Variants in SHMT1 observed in about 807,000 individuals in gnomAD.
The protein encoded by SHMT1 is serine hydroxymethyltransferase 1, also known as serine hydroxymethyltransferase, cytosolic.
In SHMT1, 45 loss-of-function variants were observed where a neutral mutation model predicts 49.0. The observed-to-expected ratio is 0.92, with a 90% CI of 0.72 to 1.18. The LOEUF is 1.18. Among genes scored for constraint, SHMT1 ranks in the 50% most tolerant of loss-of-function variants. The pLI is 0.00. For missense variants in SHMT1, 541 were observed against 612.4 expected, an observed-to-expected ratio of 0.88 and a Z score of 1.23; for synonymous variants, 232 against 246.6, an observed-to-expected ratio of 0.94 and a Z score of 0.55.
intron 3 of SHMT1, among the ~76,000 whole-genome samples, chr17:18,352,577 C>G (rs1355454714): frequency 6.6e-6 from 1 of 151,998 alleles, no homozygotes; most frequent in Non-Finnish European, 1.5e-5. Flanking sequence ...CCTAAGCACT[C>G]TGGGAGGCCA....
At chr17:18,338,855 A>G (rs945327520) in intron 7 of SHMT1, among the ~76,000 whole-genome samples, 7 of 152,040 alleles carry the variant, frequency 4.6e-5, no homozygotes, top group African/African-American at 1.4e-4. Context: ...CGGCATGCTC[A>G]TTAAGAGTCA....
intron 5 of SHMT1, among the ~76,000 whole-genome samples, chr17:18,342,117 A>G (rs553738009): frequency 6.6e-6 from 1 of 152,346 alleles, no homozygotes; most frequent in African/African-American, 2.4e-5. Flanking sequence ...CTGCAGCACT[A>G]TTCACAATAG....
chr17:18,357,940 T>G (rs1214639280), intron 1 of SHMT1, among the ~76,000 whole-genome samples: 2 of 146,412 alleles, frequency 1.4e-5, no homozygotes, highest in Non-Finnish European at 1.5e-5. Flanking sequence ...CTCGGCTCAC[T>G]GCAAGCTCCA....
chr17:18,353,889 A>G, intron 2 of SHMT1, 72 bp from the exon 3 acceptor site: 3 of 1,332,176 alleles, frequency 2.3e-6, no homozygotes, highest in Non-Finnish European at 3.2e-6. Flanking sequence ...CCAAATTACA[A>G]CCTCCTAAAG....
At chr17:18,353,485 C>CG (rs1282699797) in intron 3 of SHMT1, 187 bp downstream of exon 3, 1 of 725,842 alleles carries the variant, frequency 1.4e-6, no homozygotes, top group African/African-American at 1.7e-5. Flanking sequence ...AGTACACCTG[C>CG]GCTGAGCTCT....
In SHMT1 at chr17:18,347,582, C is replaced by G. The variant is rs768492092; in HGVS notation, c.433G>C (p.Asp145His). The change falls in exon 5 of 12, where the codon GAT (aspartate) becomes CAT (histidine). Residue 145 changes from aspartate (D) to histidine (H), a missense_variant. Physicochemically the swap from Asp to His is moderately conservative, Grantham distance 81. Transcript: ENST00000316694. Reference protein sequence around the residue: ...HGRIMGLDLPDGGHLTHGFMT... With the variant: ...HGRIMGLDLPHGGHLTHGFMT... ...AACCCATGGGTCAGGTGGCCCCCAT[C>G]CGGAAGGTCCAGGCCCATGATGCGC... 7 of 1,614,188 alleles carry G rather than the reference C, an allele frequency of 4.3e-6. No homozygotes were observed. In the East Asian group the frequency reaches 1.6e-4, roughly 36 times the overall value.
At chr17:18,349,109 T>C (rs1985415859) in intron 3 of SHMT1, among the ~76,000 whole-genome samples, 2 of 152,050 alleles carry the variant, frequency 1.3e-5, no homozygotes, top group African/African-American at 4.8e-5. Flanking sequence ...GATTCAACTT[T>C]TATGAGGTCC....
At chr17:18,330,088 C>T (rs1354640573) in intron 10 of SHMT1, among the ~76,000 whole-genome samples, 1 of 152,024 alleles carries the variant, frequency 6.6e-6, no homozygotes, top group East Asian at 1.9e-4. Context: ...ATCCACCCAC[C>T]TCGGCCTCCC....
At chr17:18,362,685 C>A (rs886679554) in intron 1 of SHMT1, among the ~76,000 whole-genome samples, 11 of 152,186 alleles carry the variant, frequency 7.2e-5, no homozygotes, top group African/African-American at 2.7e-4. Context: ...GGGTAACTGC[C>A]CGATTGAAGG....
intron 3 of SHMT1, chr17:18,348,772 C>T (rs1490540169): frequency 1.3e-5 from 7 of 520,130 alleles, no homozygotes; most frequent in East Asian, 5.4e-5. Context: ...CCCAGGAGTT[C>T]GAGACCAGCC....
At chr17:18,342,566 G>A (rs1182006038) in intron 5 of SHMT1, among the ~76,000 whole-genome samples, 1 of 151,672 alleles carries the variant, frequency 6.6e-6, no homozygotes, top group Non-Finnish European at 1.5e-5. Flanking sequence ...CTCCTACCTC[G>A]ACCTCCCAAA....
intron 9 of SHMT1, chr17:18,331,442 A>G (rs1051113117): frequency 1.9e-5 from 3 of 156,434 alleles, no homozygotes; most frequent in South Asian, 3.9e-4. Flanking sequence ...AAAAAGACCA[A>G]TAATTCACAG....
Position 18,328,582 on chromosome 17 carries a change from A to G in SHMT1, c.*168T>C. On this transcript the variant is annotated 3_prime_UTR_variant, in exon 12 of 12. Transcript: ENST00000316694. ...AATTACTAACAATGAGACTTAAACA[A>G]ATTTTGATTTGTGAAGAAAACATGA... 1.4e-6 allele frequency: 1 copy of G among 695,688 alleles called. No individual in the cohort carries two copies. The highest frequency in any genetic ancestry group is 1.9e-5 in the South Asian group (1 of 53,116). The allele number at this position is 695,688 out of a possible 1,614,324, so 43.1% of individuals were successfully genotyped here. A position where few individuals can be genotyped will look rare whatever the true frequency, so the allele number is the denominator to read the frequency against.
intron 5 of SHMT1, among the ~76,000 whole-genome samples, chr17:18,346,323 T>C (rs1165206821): frequency 6.6e-6 from 1 of 152,126 alleles, no homozygotes; most frequent in African/African-American, 2.4e-5. Context: ...TCACCAACAC[T>C]GGACACTAAA....
intron 1 of SHMT1, among the ~76,000 whole-genome samples, chr17:18,359,718 C>T (rs1348697928): frequency 1.3e-5 from 2 of 151,790 alleles, no homozygotes; most frequent in Non-Finnish European, 2.9e-5. Flanking sequence ...GAGGCCAAGG[C>T]GGGCAGACCA....
chr17:18,340,204 G>A lies in SHMT1; in HGVS notation c.653C>T (p.Ala218Val). 6.2e-7 allele frequency: 1 copy of A among 1,614,218 alleles called. No individual in the cohort carries two copies. The highest frequency in any genetic ancestry group is 8.5e-7 in the Non-Finnish European group (1 of 1,180,046). Residue 218 changes from alanine to valine, a missense_variant, in exon 7 of 12, where the codon GCA (alanine) becomes GTA (valine). Physicochemically the swap from Ala to Val is moderately conservative, Grantham distance 64 (BLOSUM62 0). Coordinates refer to ENST00000316694, the MANE Select transcript of SHMT1 (RefSeq NM_004169.5). The surrounding 1 kb of genome is among the most constrained non-coding windows in gnomAD (Gnocchi z 4.5). ...NLEYARLRKI[A>V]DENGAYLMAD... is the part of the protein sequence containing the mutation. ...CATGAGATACGCCCCGTTCTCATCT[G>A]CAATCTTCCGTAGCCGGGCATATTC...
At chr17:18,357,531 A>C (rs1598068650) in intron 1 of SHMT1, among the ~76,000 whole-genome samples, 3 of 152,218 alleles carry the variant, frequency 2.0e-5, no homozygotes, top group Admixed American at 6.6e-5. Context: ...AAGTACAGCA[A>C]ATAGCACCTA....
At chr17:18,360,913 T>C (rs11871761) in intron 1 of SHMT1, among the ~76,000 whole-genome samples, 34,673 of 152,084 alleles carry the variant, frequency 0.23, 4,102 homozygotes, top group East Asian at 0.31. Context: ...CTGACGCCTG[T>C]AATCCCAGCA....
chr17:18,337,615 ATG>A (rs1272196021), intron 7 of SHMT1, among the ~76,000 whole-genome samples: 4 of 128,518 alleles, frequency 3.1e-5, no homozygotes, highest in East Asian at 5.0e-4. Context: ...TCTCCCTCTG[ATG>A]CCGAGCCGAA....
Sources: allele counts gnomAD v4.1 joint callset (sites outside exome capture counted in the v4.1 genomes callset), GRCh38; gene constraint gnomAD v4.1.1; non-coding constraint Gnocchi (gnomAD v3.1); transcripts MANE v1.5; gene names NCBI Gene and HGNC (gene_info 2026-07-23, HGNC 2026-07-21).